FGD4: variants seen among roughly 807,000 people sequenced by gnomAD.
The protein encoded by FGD4 is FYVE, RhoGEF and PH domain-containing protein 4.
Under a neutral mutation model 102.0 loss-of-function variants are expected in FGD4, and 42 were observed. That is an observed-to-expected ratio of 0.41 (90% confidence interval 0.32 to 0.53). The LOEUF (loss-of-function observed/expected upper bound fraction) is 0.53, where lower values mean the gene tolerates loss of function less well. Ranked by LOEUF, FGD4 falls within the 20% of genes least tolerant of loss-of-function variation. FGD4 has a pLI of 0.21. For synonymous variants in FGD4, 380 were observed against 375.7 expected, an observed-to-expected ratio of 1.01 and a Z score of -0.13; for missense variants, 902 against 1,078.2, an observed-to-expected ratio of 0.84 and a Z score of 2.29.
chr12:32,417,508 A>G (rs1941465696), intron 1 of FGD4, among the ~76,000 whole-genome samples: 2 of 151,930 alleles, frequency 1.3e-5, no homozygotes, highest in South Asian at 4.2e-4. Context: ...CCCAGGCTGG[A>G]GTACAATGGT....
chr12:32,566,612 T>A (rs532082008), intron 2 of FGD4, among the ~76,000 whole-genome samples: 13 of 152,340 alleles, frequency 8.5e-5, no homozygotes, highest in Non-Finnish European at 1.5e-4. Flanking sequence ...GAAACGAGGC[T>A]ACATCTTAGT....
chr12:32,473,470 C>CCG (rs1943489772), intron 1 of FGD4, among the ~76,000 whole-genome samples: 1 of 152,096 alleles, frequency 6.6e-6, no homozygotes, highest in African/African-American at 2.4e-5. Context: ...CCGCAAAGGT[C>CCG]TGCAGCTTCA....
chr12:32,542,700 T>G (rs1222810182), intron 1 of FGD4, among the ~76,000 whole-genome samples: 1 of 152,244 alleles, frequency 6.6e-6, no homozygotes, highest in East Asian at 1.9e-4. Context: ...TTCCTACATC[T>G]GCTTTTATTT....
chr12:32,409,463 A>G (rs1434544598), intron 1 of FGD4, among the ~76,000 whole-genome samples: 2 of 151,634 alleles, frequency 1.3e-5, no homozygotes, highest in Non-Finnish European at 2.9e-5. Flanking sequence ...TAATTTTTCT[A>G]TTTTTAGTAG....
intron 1 of FGD4, among the ~76,000 whole-genome samples, chr12:32,470,333 A>T (rs2136516102): frequency 6.6e-6 from 1 of 152,282 alleles, no homozygotes; most frequent in South Asian, 2.1e-4. Context: ...GCCTCAGTAC[A>T]AAAAAGCAGA....
chr12:32,429,380 C>T (rs1941967665), intron 1 of FGD4, among the ~76,000 whole-genome samples: 1 of 152,192 alleles, frequency 6.6e-6, no homozygotes, highest in Non-Finnish European at 1.5e-5. Flanking sequence ...AAGATTGCTC[C>T]CTCTTCCTTC....
chr12:32,630,756 C>T (rs959525229), intron 14 of FGD4, among the ~76,000 whole-genome samples: 24 of 151,118 alleles, frequency 1.6e-4, no homozygotes, highest in African/African-American at 5.6e-4. Flanking sequence ...GTGGAGATTG[C>T]AGTGAGCCGA....
At chr12:32,521,591 C>G (rs924208374) in intron 1 of FGD4, among the ~76,000 whole-genome samples, 1 of 152,118 alleles carries the variant, frequency 6.6e-6, no homozygotes, top group African/African-American at 2.4e-5. Flanking sequence ...TATATTGAGT[C>G]CCATATGGGG....
chr12:32,422,287 G>GTTTTTTTTT (rs1565730786), intron 1 of FGD4, among the ~76,000 whole-genome samples: 2 of 91,678 alleles, frequency 2.2e-5, no homozygotes, highest in African/African-American at 4.0e-5. Context: ...ATTGGGAGCT[G>GTTTTTTTTT]CTTTTTTTTT....
At chr12:32,543,936 A>G (rs1443608815) in intron 1 of FGD4, among the ~76,000 whole-genome samples, 4 of 152,122 alleles carry the variant, frequency 2.6e-5, no homozygotes, top group Non-Finnish European at 5.9e-5. Context: ...CGGAAATTAC[A>G]AGAGATTTAA....
At chr12:32,525,781 C>T (rs1469382811) in intron 1 of FGD4, among the ~76,000 whole-genome samples, 1 of 152,264 alleles carries the variant, frequency 6.6e-6, no homozygotes, top group Non-Finnish European at 1.5e-5. Context: ...CCAGCCAGCC[C>T]TGCTGGCCCC....
intron 4 of FGD4, among the ~76,000 whole-genome samples, chr12:32,594,630 G>T (rs1292317210): frequency 6.6e-6 from 1 of 152,128 alleles, no homozygotes; most frequent in Non-Finnish European, 1.5e-5. Context: ...AAAGGTTGGG[G>T]ACCTCTGGGT....
rs1949690338 is a variant in FGD4, at chr12:32,619,796, A to G, written c.1848A>G (p.Val616=). 1 of 1,614,190 alleles carries G rather than the reference A, an allele frequency of 6.2e-7. No homozygotes were observed. Among genetic ancestry groups the G allele is most frequent in the Non-Finnish European group, 8.5e-7 (1 of 1,180,030 alleles). ...TTGGCATTGATGGAATGAAAATTGTAGAGACTCAAAATGAAGAATATCCAC... is the reference window on the plus strand; with the variant it reads ...TTGGCATTGATGGAATGAAAATTGTGGAGACTCAAAATGAAGAATATCCAC... The part of the protein sequence containing the change: ...TRVGIDGMKI[V]ETQNEEYPHT... Residue 616 remains valine, a synonymous_variant, in exon 11 of 17, where the codon GTA becomes GTG. Coordinates refer to ENST00000534526, the MANE Select transcript of FGD4 (RefSeq NM_001370298.3).
At chr12:32,607,417 G>A (rs937232228) in intron 7 of FGD4, among the ~76,000 whole-genome samples, 14 of 152,080 alleles carry the variant, frequency 9.2e-5, no homozygotes, top group Admixed American at 5.9e-4. Context: ...GTGAGACTCC[G>A]TCTCAAAAAA....
intron 2 of FGD4, among the ~76,000 whole-genome samples, chr12:32,565,215 T>G (rs1945086659): frequency 2.6e-5 from 4 of 152,226 alleles, no homozygotes; most frequent in Admixed American, 1.3e-4. Context: ...TTTAAGGATT[T>G]CTGAAAGAAA....
chr12:32,411,168 A>G (rs111628661), intron 1 of FGD4, among the ~76,000 whole-genome samples: 9,462 of 151,530 alleles, frequency 0.062, 418 homozygotes, highest in Middle Eastern at 0.15. Context: ...ACCTCAGTCA[A>G]TCCACCCGGC....
chr12:32,535,017 AGTTT>A (rs1942127374), intron 1 of FGD4, among the ~76,000 whole-genome samples: 1 of 152,158 alleles, frequency 6.6e-6, no homozygotes. Context: ...GATAGGCATG[AGTTT>A]GTTTTTTAAA....
intron 1 of FGD4, among the ~76,000 whole-genome samples, chr12:32,476,829 C>T (rs1943595371): frequency 6.6e-6 from 1 of 152,160 alleles, no homozygotes. Context: ...AGCTCAGATT[C>T]AAGGAGGTGG....
At chr12:32,458,138 T>C (rs185205565) in intron 1 of FGD4, among the ~76,000 whole-genome samples, 1 of 152,138 alleles carries the variant, frequency 6.6e-6, no homozygotes, top group African/African-American at 2.4e-5. Flanking sequence ...TAGCCTTGTA[T>C]GCTGGTAGCT....
Sources: allele counts gnomAD v4.1 joint callset (sites outside exome capture counted in the v4.1 genomes callset), GRCh38; gene constraint gnomAD v4.1.1; transcripts MANE v1.5; gene names NCBI Gene and HGNC (gene_info 2026-07-23, HGNC 2026-07-21).